POU6F1: variants seen among roughly 807,000 people sequenced by gnomAD.
The protein encoded by POU6F1 is POU domain, class 6, transcription factor 1.
Under a neutral mutation model 28.9 loss-of-function variants are expected in POU6F1, and 9 were observed. The observed-to-expected ratio is 0.31, with a 90% CI of 0.19 to 0.54. The LOEUF (loss-of-function observed/expected upper bound fraction) is 0.54, where lower values mean the gene tolerates loss of function less well. Among genes scored for constraint, POU6F1 ranks in the 20% least tolerant of loss-of-function variants. The pLI, the probability that POU6F1 is intolerant of heterozygous loss-of-function variation, is 0.94. For synonymous variants in POU6F1, 173 were observed against 171.1 expected (o/e 1.01, Z -0.09); for missense variants, 338 against 426.1 (o/e 0.79, Z 1.82).
chr12:51,213,165 G>A (rs1944115309), intron 1 of POU6F1, among the ~76,000 whole-genome samples: 1 of 152,144 alleles, frequency 6.6e-6, no homozygotes, highest in African/African-American at 2.4e-5. Flanking sequence ...AGGAACTCCT[G>A]ACCTCAGATG....
At chr12:51,210,128 A>T (rs1349876690) in intron 1 of POU6F1, among the ~76,000 whole-genome samples, 4 of 151,664 alleles carry the variant, frequency 2.6e-5, no homozygotes. Context: ...TTTATTTTTT[A>T]TTTTTGGTAG....
Position 51,187,384 on chromosome 12 carries a change from A to G in POU6F1, c.*2863T>C, listed in dbSNP as rs948999357. On this transcript the variant is annotated 3_prime_UTR_variant, in exon 11 of 11. Transcript: ENST00000333640. ...CGACACTAAGCTCTGGTGTAAGTCCAGAAGATGTTTTCAAAACAAAATGTA... is the reference window on the plus strand; with the variant it reads ...CGACACTAAGCTCTGGTGTAAGTCCGGAAGATGTTTTCAAAACAAAATGTA... 5.3e-5 allele frequency: 8 copies of G among 152,238 alleles called. No homozygotes were observed. The highest frequency in any genetic ancestry group is 1.9e-4 in the African/African-American group (8 of 41,446). 9.4% of individuals were successfully genotyped at this position (152,238 alleles called of 1,614,324 possible). A position where few individuals can be genotyped will look rare whatever the true frequency, so the allele number is the denominator to read the frequency against.
chr12:51,197,786 G>A lies in POU6F1; in HGVS notation c.830C>T (p.Ala277Val), dbSNP rs576902965. 2 of 398,678 alleles carry A rather than the reference G, an allele frequency of 5.0e-6. No homozygotes were observed. Among genetic ancestry groups the A allele is most frequent in the South Asian group, 2.5e-4 (2 of 7,950 alleles). 24.7% of individuals were successfully genotyped at this position (398,678 alleles called of 1,614,324 possible). A position where few individuals can be genotyped will look rare whatever the true frequency, so the allele number is the denominator to read the frequency against. The change falls in exon 6 of 11, where the codon GCA (alanine) becomes GTA (valine). Residue 277 changes from alanine (A) to valine (V), a missense_variant. By Grantham distance (64) the Ala-to-Val change is moderately conservative. Around this residue, in one of 3 missense-constraint regions of POU6F1, gnomAD observed 206 missense variants for 225.6 expected, o/e 0.91. Transcript: ENST00000333640. The part of the protein sequence containing the change: ...PQITVQPAGF[A>V]FSPGIISAAS... Reference sequence around the variant, plus strand: ...GCAGCTTACGATTCCTGGGCTAAATGCGAAGCCTGCAGGCTGGACGGTGAT... The same window carrying A: ...GCAGCTTACGATTCCTGGGCTAAATACGAAGCCTGCAGGCTGGACGGTGAT...
Position 51,190,158 on chromosome 12 carries a change from A to C in POU6F1, c.*89T>G. On this transcript the variant is annotated 3_prime_UTR_variant, in exon 11 of 11. Coordinates refer to ENST00000333640, the MANE Select transcript of POU6F1 (RefSeq NM_001330422.2). The surrounding 1 kb of genome is among the most constrained non-coding windows in gnomAD (Gnocchi z 4.5). ...TGGGGTGAGCACAGCTGCACGTGGC[A>C]AAATGACAGGTGCTGTCATGGCAGT... 1 of 1,521,744 alleles carries C rather than the reference A, an allele frequency of 6.6e-7. No individual in the cohort carries two copies. 94.3% of individuals were successfully genotyped at this position (1,521,744 alleles called of 1,614,324 possible). A position where few individuals can be genotyped will look rare whatever the true frequency, so the allele number is the denominator to read the frequency against.
chr12:51,216,968 G>A (rs1198036846), intron 1 of POU6F1, among the ~76,000 whole-genome samples: 1 of 152,096 alleles, frequency 6.6e-6, no homozygotes. Context: ...CCTGCCCAGG[G>A]AGCCTGCATC....
chr12:51,216,915 G>A (rs1363910115), intron 1 of POU6F1, among the ~76,000 whole-genome samples: 1 of 152,202 alleles, frequency 6.6e-6, no homozygotes, highest in Non-Finnish European at 1.5e-5. Context: ...GAAAGTGGAG[G>A]TTAGAGGGTA....
chr12:51,213,835 T>C (rs1459746524), intron 1 of POU6F1, among the ~76,000 whole-genome samples: 2 of 151,142 alleles, frequency 1.3e-5, no homozygotes, highest in African/African-American at 4.9e-5. Flanking sequence ...TCCGGCCTAA[T>C]TTCGTTATCT....
chr12:51,200,278 A>G (rs1226120291), intron 3 of POU6F1, among the ~76,000 whole-genome samples: 1 of 152,186 alleles, frequency 6.6e-6, no homozygotes, highest in African/African-American at 2.4e-5. Flanking sequence ...TCATCCTGCC[A>G]CTGAATCGCT....
chr12:51,213,624 C>A (rs1433543004), intron 1 of POU6F1, among the ~76,000 whole-genome samples: 1 of 152,038 alleles, frequency 6.6e-6, no homozygotes, highest in Admixed American at 6.5e-5. Context: ...ACCTCTGCCT[C>A]CCAGGTTCAA....
chr12:51,214,097 A>G (rs1944165777), intron 1 of POU6F1, among the ~76,000 whole-genome samples: 1 of 151,962 alleles, frequency 6.6e-6, no homozygotes, highest in African/African-American at 2.4e-5. Context: ...AGCCGAGATC[A>G]TGCCATTGCA....
At chr12:51,194,217 A>C (rs1942649445) in intron 8 of POU6F1, among the ~76,000 whole-genome samples, 1 of 151,944 alleles carries the variant, frequency 6.6e-6, no homozygotes. Flanking sequence ...AGTAGAGACG[A>C]GGTTTCACCA....
chr12:51,215,555 CAAAA>C (rs11415220), intron 1 of POU6F1, among the ~76,000 whole-genome samples: 14 of 88,608 alleles, frequency 1.6e-4, no homozygotes, highest in African/African-American at 6.4e-4. Context: ...AACCCTGTCT[CAAAA>C]AAAAAAAAAA....
rs1391665334 is a variant in POU6F1, at chr12:51,198,559, C to A, written c.583G>T (p.Gly195Cys). The A allele has an allele frequency of 5.0e-6, 2 of 399,288 alleles. No individual in the cohort carries two copies. The highest frequency in any genetic ancestry group is 7.1e-5 in the East Asian group (2 of 28,060). The allele number at this position is 399,288 out of a possible 1,614,324, so 24.7% of individuals were successfully genotyped here. ...GAAGAGTTGCCGTTACCTTGGAGACCGGCTAAAGGTGGCTTGAACACTCCC... is the reference window on the plus strand; with the variant it reads ...GAAGAGTTGCCGTTACCTTGGAGACAGGCTAAAGGTGGCTTGAACACTCCC... ...TGGVFKPPLAGLQAAAVLNTA... is the reference protein window; with the variant it reads ...TGGVFKPPLACLQAAAVLNTA... The change falls in exon 5 of 11, where the codon GGT (glycine) becomes TGT (cysteine). Residue 195 changes from glycine (G) to cysteine (C), a missense_variant. By Grantham distance (159) the Gly-to-Cys change is radical. This residue lies in a region of POU6F1 where 206 missense variants were observed against 225.6 expected (regional missense o/e 0.91). Coordinates refer to ENST00000333640, the MANE Select transcript of POU6F1 (RefSeq NM_001330422.2).
At chr12:51,192,990 A>G (rs1267502282) in intron 8 of POU6F1, among the ~76,000 whole-genome samples, 1 of 152,162 alleles carries the variant, frequency 6.6e-6, no homozygotes, top group Non-Finnish European at 1.5e-5. Flanking sequence ...AAGCACAGCA[A>G]CCTGCCCTAC....
At chr12:51,204,621 C>T (rs1354524124) in intron 2 of POU6F1, among the ~76,000 whole-genome samples, 1 of 152,160 alleles carries the variant, frequency 6.6e-6, no homozygotes, top group African/African-American at 2.4e-5. Flanking sequence ...AGAAAAATGT[C>T]CCCCAGAGCC....
intron 1 of POU6F1, among the ~76,000 whole-genome samples, chr12:51,208,004 G>A (rs1018667208): frequency 6.6e-6 from 1 of 152,144 alleles, no homozygotes; most frequent in African/African-American, 2.4e-5. Context: ...TGGGCGCAGA[G>A]GCTCACGCCT....
In POU6F1 at chr12:51,196,092, C is replaced by T. The variant is rs912817940; in HGVS notation, c.1057G>A (p.Val353Met). Residue 353 changes from valine (V) to methionine (M), a missense_variant, in exon 8 of 11, where the codon GTG becomes ATG. By Grantham distance (21) the Val-to-Met change is conservative. Transcript: ENST00000333640. ...GCGTTCAACAACAGCTGGGGGGTCA[C>T]GGCCTGGACCTGCAGGCTTTGGGCT... is the stretch of plus-strand genomic sequence containing the variant. The part of the protein sequence containing the change: ...APAQSLQVQA[V>M]TPQLLLNAQG... The T allele has an allele frequency of 1.2e-5, 19 of 1,602,286 alleles. No individual in the cohort carries two copies. The highest frequency in any genetic ancestry group is 1.7e-4 in the Middle Eastern group (1 of 5,842).
At chr12:51,211,699 G>T (rs1440611880) in intron 1 of POU6F1, among the ~76,000 whole-genome samples, 1 of 152,202 alleles carries the variant, frequency 6.6e-6, no homozygotes, top group Non-Finnish European at 1.5e-5. Context: ...GCTGCAGTGA[G>T]TCGTGATCAC....
At chr12:51,208,263 G>A (rs1166773834) in intron 1 of POU6F1, among the ~76,000 whole-genome samples, 1 of 152,114 alleles carries the variant, frequency 6.6e-6, no homozygotes, top group Non-Finnish European at 1.5e-5. Context: ...AGTGAGTGGT[G>A]CACTCCAGCC....
Sources: gnomAD v4.1 joint callset for allele counts (sites outside exome capture counted in the v4.1 genomes callset) on GRCh38, gnomAD v4.1.1 for gene constraint, gnomAD v4.1.1 regional missense constraint, Gnocchi (gnomAD v3.1) non-coding constraint, MANE v1.5 for transcripts, NCBI Gene and HGNC (gene_info 2026-07-23, HGNC 2026-07-21) for gene names.